The following CYBRD1 variants were observed in gnomAD, a reference collection of about 807,000 sequenced individuals.
CYBRD1 encodes plasma membrane ascorbate-dependent reductase CYBRD1.
Under a neutral mutation model 21.9 loss-of-function variants are expected in CYBRD1, and 14 were observed. The ratio of observed to expected loss-of-function variants is 0.64; its 90% CI spans 0.42 to 1.00. The LOEUF (loss-of-function observed/expected upper bound fraction) is 1.00, where lower values mean the gene tolerates loss of function less well. Among genes scored for constraint, CYBRD1 ranks in the 50% least tolerant of loss-of-function variants. The probability of loss-of-function intolerance (pLI) is 0.00; values close to 1 mark genes in which losing one functional copy is unlikely to be tolerated. For missense variants in CYBRD1, 328 were observed against 352.5 expected, an observed-to-expected ratio of 0.93 and a Z score of 0.56; for synonymous variants, 146 against 136.5, an observed-to-expected ratio of 1.07 and a Z score of -0.48.
At chr2:171,537,486 A>G (rs547773006) in intron 1 of CYBRD1, among the ~76,000 whole-genome samples, 56 of 152,204 alleles carry the variant, frequency 3.7e-4, no homozygotes, top group Non-Finnish European at 7.6e-4. Context: ...TGTTTATTTA[A>G]ACAATACTTA....
At chr2:171,554,497 T>G (rs754493437) in intron 3 of CYBRD1, 27 bp from the exon 4 acceptor site, 1 of 1,611,906 alleles carries the variant, frequency 6.2e-7, no homozygotes, top group South Asian at 1.1e-5. Flanking sequence ...ATCCTGTTTG[T>G]AATTGGATAC....
rs148867272 is a variant in CYBRD1 at position 171,554,437 on chromosome 2, T to G, written c.558-87T>G. ...AGAGTTTACATTGAAACTGTACTAG[T>G]GTGCATTTTGAGCAGATAAATTCAA... is the stretch of plus-strand genomic sequence containing the variant. On this transcript the variant is annotated intron_variant, in intron 3 of 3. Transcript: ENST00000321348. The G allele has an allele frequency of 2.8e-5, 37 of 1,332,320 alleles. No homozygotes were observed. The East Asian group carries it at 8.5e-4, about 31-fold the overall frequency. The allele number at this position is 1,332,320 out of a possible 1,614,324, so 82.5% of individuals were successfully genotyped here.
intron 1 of CYBRD1, among the ~76,000 whole-genome samples, chr2:171,533,617 T>C (rs1697502473): frequency 6.6e-6 from 1 of 152,194 alleles, no homozygotes; most frequent in Admixed American, 6.5e-5. Context: ...AAGACAAACT[T>C]GTGTATATAA....
At chr2:171,548,772 A>C (rs1697758078) in intron 2 of CYBRD1, among the ~76,000 whole-genome samples, 1 of 144,178 alleles carries the variant, frequency 6.9e-6, no homozygotes, top group Non-Finnish European at 1.5e-5. Context: ...ACACACACTA[A>C]AAAAAAAAAA....
chr2:171,530,759 C>G (rs1697453542), intron 1 of CYBRD1, among the ~76,000 whole-genome samples: 1 of 152,178 alleles, frequency 6.6e-6, no homozygotes, highest in Admixed American at 6.5e-5. Flanking sequence ...AACAAAACAA[C>G]ATCTTTGGAC....
chr2:171,530,209 T>G (rs1697443590), intron 1 of CYBRD1, among the ~76,000 whole-genome samples: 1 of 152,216 alleles, frequency 6.6e-6, no homozygotes, highest in Non-Finnish European at 1.5e-5. Context: ...TGATTTTTAA[T>G]TTCTGGCCTC....
chr2:171,539,504 T>A (rs1293047945), intron 1 of CYBRD1, among the ~76,000 whole-genome samples: 1 of 152,114 alleles, frequency 6.6e-6, no homozygotes, highest in African/African-American at 2.4e-5. Context: ...GATACCCTGC[T>A]GATATAGTGG....
At chr2:171,551,128 T>G (rs1320850642) in intron 2 of CYBRD1, 1 of 160,518 alleles carries the variant, frequency 6.2e-6, no homozygotes, top group Non-Finnish European at 1.3e-5. Context: ...AGCTAATTTT[T>G]TGTAGAGATG....
Position 171,555,031 on chromosome 2 carries a change from G to A in CYBRD1, c.*204G>A, listed in dbSNP as rs1322004828. ...AAGGATGTGATTAATATAAATAATA[G>A]CAGATATAAATTGTGGTTATGTTAC... On this transcript the variant is annotated 3_prime_UTR_variant, in exon 4 of 4. Transcript: ENST00000321348. 1.3e-5 allele frequency: 8 copies of A among 615,936 alleles called. No individual in the cohort carries two copies. The highest frequency in any genetic ancestry group is 2.3e-5 in the Non-Finnish European group (8 of 355,216). The allele number at this position is 615,936 out of a possible 1,614,324, so 38.2% of individuals were successfully genotyped here.
chr2:171,528,180 G>A (rs1189478808), intron 1 of CYBRD1, among the ~76,000 whole-genome samples: 2 of 152,000 alleles, frequency 1.3e-5, no homozygotes, highest in African/African-American at 4.8e-5. Flanking sequence ...CTGCCTCCCG[G>A]GTTCAAGCGA....
At chr2:171,543,895 A>T (rs1208537095) in intron 2 of CYBRD1, among the ~76,000 whole-genome samples, 1 of 152,170 alleles carries the variant, frequency 6.6e-6, no homozygotes, top group Non-Finnish European at 1.5e-5. Context: ...ACTATGCTGC[A>T]TTGAATATTC....
chr2:171,528,178 C>T (rs1697411683), intron 1 of CYBRD1, among the ~76,000 whole-genome samples: 1 of 152,010 alleles, frequency 6.6e-6, no homozygotes, highest in Non-Finnish European at 1.5e-5. Context: ...CTCTGCCTCC[C>T]GGGTTCAAGC....
chr2:171,546,756 C>T (rs1697722105), intron 2 of CYBRD1, among the ~76,000 whole-genome samples: 1 of 152,034 alleles, frequency 6.6e-6, no homozygotes, highest in African/African-American at 2.4e-5. Context: ...TAAAGGAAGT[C>T]ACACCTCACA....
chr2:171,549,959 G>A (rs1697774689), intron 2 of CYBRD1, among the ~76,000 whole-genome samples: 1 of 152,174 alleles, frequency 6.6e-6, no homozygotes, highest in Non-Finnish European at 1.5e-5. Context: ...AATAATTTGA[G>A]TGAATCAACA....
intron 2 of CYBRD1, 148 bp downstream of exon 2, chr2:171,541,941 T>G: frequency 1.5e-6 from 1 of 671,272 alleles, no homozygotes; most frequent in Non-Finnish European, 2.5e-6. Context: ...CTTGGCTCAC[T>G]GCAACCACTG....
chr2:171,525,822 G>C (rs546156037), intron 1 of CYBRD1, among the ~76,000 whole-genome samples: 1 of 151,916 alleles, frequency 6.6e-6, no homozygotes, highest in Non-Finnish European at 1.5e-5. Context: ...GCTCTGGGCC[G>C]GCACAGTCCA....
chr2:171,534,296 C>T (rs1006995923), intron 1 of CYBRD1, among the ~76,000 whole-genome samples: 4 of 152,192 alleles, frequency 2.6e-5, no homozygotes, highest in African/African-American at 9.7e-5. Flanking sequence ...ATACCATTTC[C>T]CCTTCTTGTG....
At chr2:171,551,245 A>G (rs12999785) in intron 2 of CYBRD1, 94,990 of 152,534 alleles carry the variant, frequency 0.62, 29,926 homozygotes, top group Non-Finnish European at 0.67. Flanking sequence ...CACCACACTC[A>G]GCCCCCATTT....
At chr2:171,540,734 T>A (rs1026586389) in intron 1 of CYBRD1, 1 of 152,002 alleles carries the variant, frequency 6.6e-6, no homozygotes, top group Non-Finnish European at 1.5e-5. Flanking sequence ...TAAATTTGCA[T>A]GTTTTTCTGT....
Sources: allele counts gnomAD v4.1 joint callset (sites outside exome capture counted in the v4.1 genomes callset), GRCh38; gene constraint gnomAD v4.1.1; transcripts MANE v1.5; gene names NCBI Gene and HGNC (gene_info 2026-07-23, HGNC 2026-07-21).